The following THSD7B variants were observed in gnomAD, a reference collection of about 807,000 sequenced individuals.
The protein encoded by THSD7B is thrombospondin type 1 domain containing 7B.
In THSD7B, 138 loss-of-function variants were observed where a neutral mutation model predicts 213.6. The observed-to-expected ratio is 0.65, with a 90% confidence interval of 0.56 to 0.74. The LOEUF (loss-of-function observed/expected upper bound fraction) is 0.74. Among genes scored for constraint, THSD7B ranks in the 30% least tolerant of loss-of-function variants. The pLI, the probability that THSD7B is intolerant of heterozygous loss-of-function variation, is 0.00. For missense variants in THSD7B, 1,931 were observed against 1,991.5 expected (o/e 0.97, Z 0.58); for synonymous variants, 742 against 687.0 (o/e 1.08, Z -1.25).
intron 15 of THSD7B, among the ~76,000 whole-genome samples, chr2:137,463,754 A>G (rs1687933073): frequency 6.6e-6 from 1 of 152,090 alleles, no homozygotes; most frequent in Non-Finnish European, 1.5e-5. Flanking sequence ...GTACATGTAT[A>G]TGAGGTGAGG....
intron 12 of THSD7B, among the ~76,000 whole-genome samples, chr2:137,335,930 T>C (rs1684628896): frequency 6.6e-6 from 1 of 152,154 alleles, no homozygotes; most frequent in Non-Finnish European, 1.5e-5. Context: ...TTTATTTGTT[T>C]GTATATTTTC....
intron 15 of THSD7B, among the ~76,000 whole-genome samples, 192 bp downstream of exon 15, chr2:137,451,215 C>G (rs2105066453): frequency 6.6e-6 from 1 of 152,040 alleles, no homozygotes; most frequent in South Asian, 2.1e-4. Context: ...CTGGATAATG[C>G]TGAGACAAAC....
intron 15 of THSD7B, among the ~76,000 whole-genome samples, chr2:137,488,220 A>G (rs1688508666): frequency 6.6e-6 from 1 of 152,168 alleles, no homozygotes; most frequent in African/African-American, 2.4e-5. Context: ...ATATGTCAGA[A>G]GTAACTCATT....
intron 12 of THSD7B, among the ~76,000 whole-genome samples, chr2:137,365,916 A>C (rs1451450757): frequency 6.6e-6 from 1 of 152,220 alleles, no homozygotes; most frequent in African/African-American, 2.4e-5. Context: ...ATTATAAATC[A>C]TGCTACTATA....
chr2:137,416,312 A>C (rs1686797405), intron 14 of THSD7B, among the ~76,000 whole-genome samples: 1 of 152,060 alleles, frequency 6.6e-6, no homozygotes, highest in South Asian at 2.1e-4. Context: ...CCTCAGCTGG[A>C]CCCTCGAGGA....
intron 2 of THSD7B, among the ~76,000 whole-genome samples, chr2:137,028,313 TCCCTGTTACTGTTAAAA>T: frequency 6.6e-6 from 1 of 152,280 alleles, no homozygotes; most frequent in African/African-American, 2.4e-5. Context: ...ATGGCAGGAA[TCCCTGTTACTGTTAAAA>T]CTGGGTGTGA....
chr2:136,885,990 G>A (rs902935603), intron 2 of THSD7B, among the ~76,000 whole-genome samples: 3 of 152,072 alleles, frequency 2.0e-5, no homozygotes, highest in Non-Finnish European at 2.9e-5. Flanking sequence ...AAGTGAGGGA[G>A]CCAGCTGTAG....
intron 15 of THSD7B, among the ~76,000 whole-genome samples, chr2:137,546,376 A>ATT (rs1374609313): frequency 6.8e-5 from 3 of 44,366 alleles, no homozygotes; most frequent in East Asian, 5.8e-4. Flanking sequence ...ATATATATAT[A>ATT]ATATATATAT....
intron 26 of THSD7B, among the ~76,000 whole-genome samples, chr2:137,664,383 A>G (rs1683409272): frequency 6.6e-6 from 1 of 152,166 alleles, no homozygotes; most frequent in Non-Finnish European, 1.5e-5. Flanking sequence ...GTGATTATGT[A>G]TAGTTTCTTA....
intron 4 of THSD7B, among the ~76,000 whole-genome samples, chr2:137,114,487 CA>C (rs1488255981): frequency 6.6e-6 from 1 of 152,076 alleles, no homozygotes; most frequent in Non-Finnish European, 1.5e-5. Flanking sequence ...ACTAGGGAGA[CA>C]TATTTCTATA....
chr2:137,590,600 A>G (rs1033384922), intron 17 of THSD7B, among the ~76,000 whole-genome samples: 2 of 152,068 alleles, frequency 1.3e-5, no homozygotes, highest in Admixed American at 6.6e-5. Context: ...TTTTTCCAAG[A>G]AAAACAACTC....
Position 137,584,400 on chromosome 2 carries a change from T to A in THSD7B, c.3423+11844T>A, listed in dbSNP as rs557986072. On this transcript the variant is annotated intron_variant, in intron 17 of 27. Transcript: ENST00000409968. ...GAATACGAGTGGTGTGAGAGGACAT[T>A]CCTGTCTTGTGCCAGTTTTCAAAGG... Among the ~76,000 whole-genome samples the A allele has an allele frequency of 3.3e-5, 5 of 152,310 alleles. No homozygotes were observed. In the South Asian group the frequency reaches 8.3e-4, roughly 25 times the overall value.
At chr2:137,521,857 G>C (rs533642914) in intron 15 of THSD7B, among the ~76,000 whole-genome samples, 30 of 152,054 alleles carry the variant, frequency 2.0e-4, no homozygotes, top group African/African-American at 7.0e-4. Flanking sequence ...AGGGCAGACT[G>C]TGCTGGCATG....
chr2:137,031,735 A>G (rs1686673027), intron 2 of THSD7B, among the ~76,000 whole-genome samples: 1 of 152,216 alleles, frequency 6.6e-6, no homozygotes, highest in Non-Finnish European at 1.5e-5. Flanking sequence ...GAAGCATAAC[A>G]AAATGTATTT....
rs929077199 is a variant in THSD7B, at chr2:136,793,739, T to G, written c.-36+28052T>G. Reference sequence around the variant, plus strand: ...GAATAATGATGTGTAATTTATTTTCTTGTAATATCCTTCTTAGGTTTCAGT... The same window carrying G: ...GAATAATGATGTGTAATTTATTTTCGTGTAATATCCTTCTTAGGTTTCAGT... On this transcript the variant is annotated intron_variant, in intron 1 of 27. Transcript: ENST00000409968. 2.6e-5 allele frequency among the ~76,000 whole-genome samples: 4 copies of G among 152,082 alleles called. No homozygotes were observed. The South Asian group carries it at 8.3e-4, about 32-fold the overall frequency.
chr2:136,955,128 G>C (rs1685103918), intron 2 of THSD7B, among the ~76,000 whole-genome samples: 1 of 152,152 alleles, frequency 6.6e-6, no homozygotes. Context: ...CGAGCATCAT[G>C]GTTGACCCTA....
chr2:137,428,308 T>C (rs973466138), intron 14 of THSD7B, among the ~76,000 whole-genome samples: 1 of 152,126 alleles, frequency 6.6e-6, no homozygotes, highest in East Asian at 1.9e-4. Flanking sequence ...AAACAGGTGT[T>C]GGTGAGGATA....
chr2:136,983,763 AAGC>A (rs1395531677), intron 2 of THSD7B, among the ~76,000 whole-genome samples: 5 of 152,220 alleles, frequency 3.3e-5, no homozygotes, highest in Non-Finnish European at 1.5e-5. Flanking sequence ...TGGAGTGAAT[AAGC>A]AGCATGGTAT....
intron 15 of THSD7B, among the ~76,000 whole-genome samples, chr2:137,452,690 A>T (rs1209004001): frequency 6.6e-6 from 1 of 152,132 alleles, no homozygotes; most frequent in Non-Finnish European, 1.5e-5. Flanking sequence ...TTTTATTTGA[A>T]CTCTGAGTTT....
Sources: gnomAD v4.1 joint callset for allele counts (sites outside exome capture counted in the v4.1 genomes callset) on GRCh38, gnomAD v4.1.1 for gene constraint, MANE v1.5 for transcripts, NCBI Gene and HGNC (gene_info 2026-07-23, HGNC 2026-07-21) for gene names.